The following TRHDE variants were observed in gnomAD, a reference collection of about 807,000 sequenced individuals.
The protein encoded by TRHDE is thyrotropin-releasing hormone-degrading ectoenzyme.
Under a neutral mutation model 125.7 loss-of-function variants are expected in TRHDE, and 72 were observed. That is an observed-to-expected ratio of 0.57 (90% CI 0.47 to 0.70). The LOEUF (loss-of-function observed/expected upper bound fraction) is 0.70. Ranked by LOEUF, TRHDE falls within the 30% of genes least tolerant of loss-of-function variation. The pLI is 0.00. For synonymous variants in TRHDE, 509 were observed against 509.1 expected, an observed-to-expected ratio of 1.00 and a Z score of 0.00; for missense variants, 1,110 against 1,327.1, an observed-to-expected ratio of 0.84 and a Z score of 2.54.
At chr12:72,573,113 A>G (rs1870824652) in intron 10 of TRHDE, among the ~76,000 whole-genome samples, 1 of 151,960 alleles carries the variant, frequency 6.6e-6, no homozygotes, top group East Asian at 1.9e-4. Flanking sequence ...ACACTTAGAG[A>G]TTAATTAATT....
chr12:72,627,956 C>T (rs868027442), intron 15 of TRHDE, among the ~76,000 whole-genome samples: 2 of 151,502 alleles, frequency 1.3e-5, no homozygotes, highest in East Asian at 2.0e-4. Context: ...GTGCTGGGAT[C>T]GACTGGACTT....
chr12:72,330,998 C>T (rs567272353), intron 2 of TRHDE, among the ~76,000 whole-genome samples: 1 of 152,056 alleles, frequency 6.6e-6, no homozygotes, highest in African/African-American at 2.4e-5. Context: ...GCTGTTGCTC[C>T]GAGAACCACA....
In TRHDE at chr12:72,565,172, A is replaced by T. The variant is rs557516897; in HGVS notation, c.2042+2132A>T. On this transcript the variant is annotated intron_variant, in intron 9 of 18. Transcript: ENST00000261180. ...CAATACGATTCTCTCTGGCCTATGTATATAGCCTTCCTAGATCTTTATTTT... is the reference window on the plus strand; with the variant it reads ...CAATACGATTCTCTCTGGCCTATGTTTATAGCCTTCCTAGATCTTTATTTT... 6.6e-5 allele frequency among the ~76,000 whole-genome samples: 10 copies of T among 152,314 alleles called. No homozygotes were observed. In the South Asian group the frequency reaches 2.1e-3, roughly 32 times the overall value.
At chr12:72,444,349 T>A (rs12372580) in intron 3 of TRHDE, among the ~76,000 whole-genome samples, 1 of 151,880 alleles carries the variant, frequency 6.6e-6, no homozygotes, top group Non-Finnish European at 1.5e-5. Flanking sequence ...ATCTGTGTCC[T>A]TTAGGGTGCT....
chr12:72,280,387 G>A (rs934841257), intron 1 of TRHDE, among the ~76,000 whole-genome samples: 1 of 152,182 alleles, frequency 6.6e-6, no homozygotes, highest in African/African-American at 2.4e-5. Flanking sequence ...ACCAGTTTGT[G>A]TAGGACCAAC....
chr12:72,215,398 C>T (rs916340393), intron 2 of TRHDE, among the ~76,000 whole-genome samples: 1 of 152,088 alleles, frequency 6.6e-6, no homozygotes, highest in Admixed American at 6.6e-5. Flanking sequence ...GCCATCTGGG[C>T]GTATATGTGC....
intron 3 of TRHDE, among the ~76,000 whole-genome samples, chr12:72,439,987 A>G (rs988953655): frequency 3.3e-5 from 5 of 151,892 alleles, no homozygotes; most frequent in African/African-American, 1.2e-4. Flanking sequence ...GGATTTTCTC[A>G]TATGCTCTTT....
At chr12:72,133,024 G>A (rs1313982545) in intron 2 of TRHDE, among the ~76,000 whole-genome samples, 2 of 152,200 alleles carry the variant, frequency 1.3e-5, no homozygotes, top group African/African-American at 4.8e-5. Context: ...GGAGGCAGGG[G>A]AAGTGGTGTA....
At chr12:72,653,210 A>G in intron 17 of TRHDE, 54 bp downstream of exon 17, 1 of 1,468,682 alleles carries the variant, frequency 6.8e-7, no homozygotes, top group South Asian at 1.3e-5. Flanking sequence ...CATAGGAGGA[A>G]TAAAGGCCCA....
At chr12:72,233,360 G>C (rs755359352) in intron 2 of TRHDE, among the ~76,000 whole-genome samples, 1 of 152,114 alleles carries the variant, frequency 6.6e-6, no homozygotes, top group Non-Finnish European at 1.5e-5. Flanking sequence ...GGGCAGAAAG[G>C]GATTTGTATT....
At chr12:72,441,559 A>G (rs145857637) in intron 3 of TRHDE, among the ~76,000 whole-genome samples, 80 of 151,964 alleles carry the variant, frequency 5.3e-4, no homozygotes, top group African/African-American at 1.9e-3. Context: ...CTTCCTTTTA[A>G]TCCTTCTGGA....
At chr12:72,418,389 G>T (rs1210932506) in intron 3 of TRHDE, among the ~76,000 whole-genome samples, 6 of 151,992 alleles carry the variant, frequency 3.9e-5, no homozygotes, top group Admixed American at 6.6e-5. Context: ...GCTGTCATTT[G>T]CTTACAAGAG....
chr12:72,370,568 A>G (rs146512486), intron 2 of TRHDE, among the ~76,000 whole-genome samples: 1 of 152,230 alleles, frequency 6.6e-6, no homozygotes, highest in East Asian at 1.9e-4. Flanking sequence ...CTATCACTAT[A>G]TATCTCCTCA....
chr12:72,317,004 G>A (rs1250542679), intron 2 of TRHDE, among the ~76,000 whole-genome samples: 1 of 152,068 alleles, frequency 6.6e-6, no homozygotes, highest in African/African-American at 2.4e-5. Flanking sequence ...TTTTTATTAT[G>A]CCCTGTACTA....
intron 2 of TRHDE, among the ~76,000 whole-genome samples, chr12:72,181,903 T>G (rs1187301894): frequency 2.6e-5 from 4 of 152,208 alleles, no homozygotes; most frequent in African/African-American, 9.6e-5. Context: ...TATGTTGTTT[T>G]TATAGTTTGC....
At chr12:72,345,277 A>T (rs1346194560) in intron 2 of TRHDE, among the ~76,000 whole-genome samples, 1 of 152,116 alleles carries the variant, frequency 6.6e-6, no homozygotes, top group Non-Finnish European at 1.5e-5. Flanking sequence ...TGAAGAAAAA[A>T]TAAATCCAGC....
At chr12:72,317,061 C>A (rs756416415) in intron 2 of TRHDE, among the ~76,000 whole-genome samples, 1 of 152,142 alleles carries the variant, frequency 6.6e-6, no homozygotes, top group Non-Finnish European at 1.5e-5. Context: ...ATATTAGGAA[C>A]TTTTAGTTTT....
At chr12:72,514,448 T>C in intron 6 of TRHDE, among the ~76,000 whole-genome samples, 1 of 151,908 alleles carries the variant, frequency 6.6e-6, no homozygotes, top group Non-Finnish European at 1.5e-5. Flanking sequence ...AAGAATATAG[T>C]AAATATGACA....
intron 2 of TRHDE, among the ~76,000 whole-genome samples, chr12:72,198,185 T>C (rs1419408769): frequency 6.6e-6 from 1 of 152,142 alleles, no homozygotes; most frequent in Non-Finnish European, 1.5e-5. Flanking sequence ...TGTATGAATA[T>C]ACCACATTTT....
Sources: gnomAD v4.1 joint callset for allele counts (sites outside exome capture counted in the v4.1 genomes callset) on GRCh38, gnomAD v4.1.1 for gene constraint, MANE v1.5 for transcripts, NCBI Gene and HGNC (gene_info 2026-07-23, HGNC 2026-07-21) for gene names.